Variants in PTK2 observed in about 807,000 individuals in gnomAD.
PTK2 encodes focal adhesion kinase 1.
PTK2 carries 45 observed loss-of-function variants against 150.1 expected under a neutral mutation model. That is an observed-to-expected ratio of 0.30 (90% CI 0.24 to 0.38). The LOEUF is 0.38. PTK2 is among the 10% of genes least tolerant of loss of function. PTK2 has a pLI of 1.00. For synonymous variants in PTK2, 432 were observed against 449.2 expected, an observed-to-expected ratio of 0.96 and a Z score of 0.48; for missense variants, 919 against 1,307.3, an observed-to-expected ratio of 0.70 and a Z score of 4.58.
intron 2 of PTK2, among the ~76,000 whole-genome samples, chr8:140,902,624 G>A (rs994814590): frequency 2.6e-5 from 4 of 152,154 alleles, no homozygotes; most frequent in African/African-American, 9.7e-5. Context: ...AGCTTCTGTT[G>A]TTTCCTGAAT....
intron 11 of PTK2, among the ~76,000 whole-genome samples, chr8:140,801,932 GAAGCTGGTGTAAAAAA>G (rs2100095287): frequency 6.6e-6 from 1 of 152,090 alleles, no homozygotes; most frequent in African/African-American, 2.4e-5. Context: ...TGTTTATGGT[GAAGCTGGTGTAAAAAA>G]AATCTACTGT....
chr8:140,846,869 C>T (rs1436499697), intron 5 of PTK2, among the ~76,000 whole-genome samples, 191 bp from the exon 6 acceptor site: 2 of 151,986 alleles, frequency 1.3e-5, no homozygotes, highest in African/African-American at 4.8e-5. Context: ...GGTAATTATG[C>T]TTGATGTTAA....
At chr8:140,968,396 GTTT>G (rs968808681) in intron 1 of PTK2, among the ~76,000 whole-genome samples, 1 of 152,016 alleles carries the variant, frequency 6.6e-6, no homozygotes, top group African/African-American at 2.4e-5. Flanking sequence ...AAAAAAAATC[GTTT>G]TTAATTATTT....
intron 2 of PTK2, chr8:140,920,824 A>G (rs1402914480): frequency 6.6e-7 from 1 of 1,519,564 alleles, no homozygotes; most frequent in South Asian, 1.2e-5. Context: ...CTTTAGCCCA[A>G]CACACTGGAA....
At chr8:140,961,457 C>T (rs760619971) in intron 1 of PTK2, among the ~76,000 whole-genome samples, 1 of 151,944 alleles carries the variant, frequency 6.6e-6, no homozygotes, top group African/African-American at 2.4e-5. Flanking sequence ...GTCAGGAGAT[C>T]GAGACCGTCC....
At chr8:140,978,063 A>G (rs1180018598) in intron 1 of PTK2, among the ~76,000 whole-genome samples, 1 of 152,228 alleles carries the variant, frequency 6.6e-6, no homozygotes, top group East Asian at 1.9e-4. Flanking sequence ...CATATGTAGA[A>G]AGCTGAATCT....
chr8:140,767,632 C>T (rs868848485), intron 14 of PTK2, among the ~76,000 whole-genome samples: 8 of 152,070 alleles, frequency 5.3e-5, no homozygotes, highest in Middle Eastern at 3.2e-3. Context: ...ACTACAGGCA[C>T]GCGCCGCCAT....
At chr8:140,660,231 T>A (rs2077490814) in intron 31 of PTK2, among the ~76,000 whole-genome samples, 1 of 152,200 alleles carries the variant, frequency 6.6e-6, no homozygotes, top group Non-Finnish European at 1.5e-5. Context: ...CCACAGAATC[T>A]GACAGAACTT....
chr8:140,884,457 CAATT>C (rs1046880958), intron 3 of PTK2, among the ~76,000 whole-genome samples: 2 of 152,126 alleles, frequency 1.3e-5, no homozygotes, highest in Non-Finnish European at 2.9e-5. Flanking sequence ...AATCAATGTT[CAATT>C]GATTGTTATT....
At chr8:140,685,008 A>G (rs2100019030) in intron 27 of PTK2, among the ~76,000 whole-genome samples, 1 of 152,232 alleles carries the variant, frequency 6.6e-6, no homozygotes, top group Admixed American at 6.5e-5. Context: ...ACAAGGCTAT[A>G]GTAACCAAAA....
intron 2 of PTK2, among the ~76,000 whole-genome samples, chr8:140,896,302 A>T (rs529672851): frequency 6.6e-6 from 1 of 152,198 alleles, no homozygotes; most frequent in Non-Finnish European, 1.5e-5. Context: ...TTGTTTTATG[A>T]CACCTGCAGA....
intron 16 of PTK2, among the ~76,000 whole-genome samples, chr8:140,757,102 C>G (rs1446952343): frequency 6.6e-6 from 1 of 152,110 alleles, no homozygotes; most frequent in East Asian, 1.9e-4. Context: ...ATAAAGTCCA[C>G]TAACCCTGCT....
At chr8:140,931,715 A>G (rs546426614) in intron 1 of PTK2, among the ~76,000 whole-genome samples, 1 of 152,130 alleles carries the variant, frequency 6.6e-6, no homozygotes, top group Non-Finnish European at 1.5e-5. Flanking sequence ...CAGGAGGATC[A>G]CTTGAGCCCA....
At chr8:140,752,613 C>T (rs2100063426) in intron 16 of PTK2, among the ~76,000 whole-genome samples, 1 of 152,210 alleles carries the variant, frequency 6.6e-6, no homozygotes. Context: ...CACTGATGAA[C>T]AGCAGAGGCA....
intron 23 of PTK2, among the ~76,000 whole-genome samples, chr8:140,713,323 C>G (rs557988756): frequency 6.6e-6 from 1 of 152,108 alleles, no homozygotes. Context: ...TGCAGTGGCG[C>G]GATCTCAGCT....
intron 7 of PTK2, among the ~76,000 whole-genome samples, chr8:140,832,141 C>T (rs2100115783): frequency 6.6e-6 from 1 of 152,220 alleles, no homozygotes; most frequent in Non-Finnish European, 1.5e-5. Context: ...GCACCCTCTG[C>T]CTCCCAGGCT....
chr8:140,814,282 G>GT lies in PTK2; in HGVS notation c.867+3994_867+3995insA, dbSNP rs574022074. The stretch of plus-strand genomic sequence containing the variant: ...CTATTCCAATAAACTGAAAAGGAGG[G>GT]ACTCCTCTCTAACTCATTCTATGAA... On this transcript the variant is annotated intron_variant, in intron 10 of 31. Transcript: ENST00000522684. Among the ~76,000 whole-genome samples the GT allele has an allele frequency of 3.5e-3, 529 of 152,254 alleles. 4 individuals carry two copies. Among genetic ancestry groups the GT allele is most frequent in the African/African-American group, 0.012 (502 of 41,552 alleles).
At chr8:140,785,511 A>C (rs1036920237) in intron 14 of PTK2, among the ~76,000 whole-genome samples, 2 of 152,174 alleles carry the variant, frequency 1.3e-5, no homozygotes, top group African/African-American at 4.8e-5. Context: ...TAAAGTACTC[A>C]GGAAAGCTTT....
intron 22 of PTK2, among the ~76,000 whole-genome samples, chr8:140,728,326 G>C (rs189962926): frequency 2.3e-4 from 35 of 152,196 alleles, no homozygotes; most frequent in African/African-American, 7.9e-4. Flanking sequence ...TTCTGTTACT[G>C]GTTACCTTAA....
Sources: gnomAD v4.1 joint callset for allele counts (sites outside exome capture counted in the v4.1 genomes callset) on GRCh38, gnomAD v4.1.1 for gene constraint, MANE v1.5 for transcripts, NCBI Gene and HGNC (gene_info 2026-07-23, HGNC 2026-07-21) for gene names.